Variants in OCA2 observed in about 807,000 individuals in gnomAD.
OCA2 encodes the protein P protein.
In OCA2, 77 loss-of-function variants were observed where a neutral mutation model predicts 100.2. That is an observed-to-expected ratio of 0.77 (90% CI 0.64 to 0.93). The LOEUF is 0.93. Among genes scored for constraint, OCA2 ranks in the 40% least tolerant of loss-of-function variants. The pLI, the probability that OCA2 is intolerant of heterozygous loss-of-function variation, is 0.00. For synonymous variants in OCA2, 432 were observed against 439.2 expected (o/e 0.98, Z 0.21); for missense variants, 1,062 against 1,089.1 (o/e 0.98, Z 0.35).
intron 18 of OCA2, among the ~76,000 whole-genome samples, chr15:27,949,734 G>C (rs542465049): frequency 3.7e-4 from 56 of 152,250 alleles, no homozygotes; most frequent in African/African-American, 1.3e-3. Context: ...AAAGATAAAT[G>C]ATCACATTGC....
chr15:27,956,825 A>G (rs77519467), intron 16 of OCA2, among the ~76,000 whole-genome samples: 129 of 152,308 alleles, frequency 8.5e-4, no homozygotes, highest in African/African-American at 3.1e-3. Context: ...TCCTCCCACT[A>G]ACAGACCAGA....
At chr15:27,821,777 A>AG (rs1365369218) in intron 23 of OCA2, among the ~76,000 whole-genome samples, 1 of 152,134 alleles carries the variant, frequency 6.6e-6, no homozygotes, top group African/African-American at 2.4e-5. Flanking sequence ...ATTTGTCTAT[A>AG]TGCACCCATG....
At chr15:28,037,746 G>A (rs1392122027) in intron 2 of OCA2, among the ~76,000 whole-genome samples, 8 of 152,162 alleles carry the variant, frequency 5.3e-5, no homozygotes, top group Admixed American at 3.3e-4. Flanking sequence ...GAGCAAATGG[G>A]ACTCAGGATA....
chr15:27,974,093 C>T (rs974515718), intron 14 of OCA2, among the ~76,000 whole-genome samples: 3 of 152,084 alleles, frequency 2.0e-5, no homozygotes, highest in Admixed American at 6.6e-5. Context: ...GGAGTCTAGA[C>T]TTTTCTAGGT....
chr15:27,965,675 A>C (rs530581495), intron 15 of OCA2, among the ~76,000 whole-genome samples: 4 of 152,310 alleles, frequency 2.6e-5, no homozygotes, highest in African/African-American at 7.2e-5. Flanking sequence ...AGAGATCAAC[A>C]TGCAATCCGT....
intron 11 of OCA2, among the ~76,000 whole-genome samples, chr15:27,986,893 C>G (rs1291672156): frequency 6.6e-6 from 1 of 152,164 alleles, no homozygotes; most frequent in African/African-American, 2.4e-5. Context: ...AGGCACATTA[C>G]CATCCCATCT....
chr15:28,052,134 C>A (rs141764918), intron 2 of OCA2, among the ~76,000 whole-genome samples: 1 of 152,256 alleles, frequency 6.6e-6, no homozygotes, highest in East Asian at 1.9e-4. Context: ...CTTCCTAGGG[C>A]ATGTTTACTG....
chr15:28,029,504 T>C (rs888051855), intron 3 of OCA2, among the ~76,000 whole-genome samples: 1 of 151,796 alleles, frequency 6.6e-6, no homozygotes, highest in African/African-American at 2.4e-5. Flanking sequence ...TCTGTGGTGA[T>C]AGAAATGTTC....
In OCA2 at chr15:27,829,279, T is replaced by TA. The variant is rs1157572508; in HGVS notation, c.2432+15679_2432+15680insT. The stretch of plus-strand genomic sequence containing the variant: ...ATAGAGACAAGAGATAGAAGATAGA[T>TA]GATAGATAGATAGATAGATAGATAG... On this transcript the variant is annotated intron_variant, in intron 23 of 23. Transcript: ENST00000354638. Among the ~76,000 whole-genome samples the TA allele has an allele frequency of 9.3e-5, 10 of 107,518 alleles. No homozygotes were observed. The South Asian group carries it at 4.1e-3, about 44-fold the overall frequency. The allele number at this position is 107,518 out of a possible 152,430, so 70.5% of individuals were successfully genotyped here.
chr15:27,841,536 T>C (rs999486792), intron 23 of OCA2, among the ~76,000 whole-genome samples: 10 of 152,192 alleles, frequency 6.6e-5, no homozygotes, highest in South Asian at 2.1e-4. Flanking sequence ...TTTAAAAAAT[T>C]AATGAAAGCA....
chr15:27,895,173 T>C (rs565063360), intron 19 of OCA2, among the ~76,000 whole-genome samples: 1 of 152,322 alleles, frequency 6.6e-6, no homozygotes, highest in Admixed American at 6.5e-5. Context: ...GTTGTGACTC[T>C]CCTTTTTTGA....
chr15:27,970,236 C>A (rs74005132), intron 14 of OCA2, among the ~76,000 whole-genome samples: 5,907 of 151,644 alleles, frequency 0.039, 404 homozygotes, highest in African/African-American at 0.14. Flanking sequence ...AGAAAAAGGT[C>A]AAAAACGAAG....
chr15:27,969,454 C>G (rs922179118), intron 14 of OCA2, among the ~76,000 whole-genome samples: 1 of 152,158 alleles, frequency 6.6e-6, no homozygotes, highest in East Asian at 1.9e-4. Context: ...TCTGGGACAC[C>G]CTGCTGCTTT....
At chr15:27,990,723 G>A in intron 9 of OCA2, 76 bp from the exon 10 acceptor site, 1 of 1,251,482 alleles carries the variant, frequency 8.0e-7, no homozygotes, top group Non-Finnish European at 1.2e-6. Context: ...GTGTGGACAT[G>A]AGGGGGTCTA....
intron 19 of OCA2, among the ~76,000 whole-genome samples, chr15:27,899,588 T>C (rs1394918784): frequency 6.6e-6 from 1 of 152,312 alleles, no homozygotes; most frequent in South Asian, 2.1e-4. Flanking sequence ...TTCCAGTCCT[T>C]GGTTTCTCAC....
At chr15:27,729,666 T>C in the OCA2 span, among the ~76,000 whole-genome samples, 1 of 152,174 alleles carries the variant, frequency 6.6e-6, no homozygotes, top group Non-Finnish European at 1.5e-5. Context: ...GCTGCCACTT[T>C]CTCTGCCTAT....
At chr15:27,720,046 A>C in the OCA2 span, among the ~76,000 whole-genome samples, 20 of 152,346 alleles carry the variant, frequency 1.3e-4, no homozygotes, top group East Asian at 3.9e-3. Context: ...AGGATCCCAG[A>C]ATCAACCAAC....
In OCA2 at chr15:27,935,880, G is replaced by C. The variant is rs1021837173; in HGVS notation, c.1952-9626C>G. Reference sequence around the variant, plus strand: ...CATTGTGTAACTGACTTTGACCAAAGGCAGTACTGTCCTGATCAATTAAGA... The same window carrying C: ...CATTGTGTAACTGACTTTGACCAAACGCAGTACTGTCCTGATCAATTAAGA... On this transcript the variant is annotated intron_variant, in intron 18 of 23. Transcript: ENST00000354638. 2.6e-5 allele frequency among the ~76,000 whole-genome samples: 4 copies of C among 152,262 alleles called. No homozygotes were observed. In the East Asian group the frequency reaches 7.7e-4, roughly 29 times the overall value.
At chr15:27,743,218 A>C in the OCA2 span, among the ~76,000 whole-genome samples, 3 of 152,142 alleles carry the variant, frequency 2.0e-5, no homozygotes, top group African/African-American at 4.8e-5. Context: ...GCTGCCAGTT[A>C]CTGGCAAGAG....
Sources: allele counts gnomAD v4.1 joint callset (sites outside exome capture counted in the v4.1 genomes callset), GRCh38; gene constraint gnomAD v4.1.1; transcripts MANE v1.5; gene names NCBI Gene and HGNC (gene_info 2026-07-23, HGNC 2026-07-21).